ADGRL3: variants seen among roughly 807,000 people sequenced by gnomAD.
ADGRL3 encodes calcium-independent alpha-latrotoxin receptor 3.
A neutral mutation model predicts 153.5 loss-of-function variants in ADGRL3; 62 were observed. The observed-to-expected ratio is 0.40, with a 90% CI of 0.33 to 0.50. The LOEUF (loss-of-function observed/expected upper bound fraction) is 0.50, where lower values mean the gene tolerates loss of function less well. ADGRL3 is among the 20% of genes least tolerant of loss of function. ADGRL3 has a pLI of 0.47. For synonymous variants in ADGRL3, 710 were observed against 672.5 expected (o/e 1.06, Z -0.86); for missense variants, 1,641 against 1,859.4 (o/e 0.88, Z 2.16).
At chr4:61,486,758 CT>C (rs2098199205) in intron 2 of ADGRL3, among the ~76,000 whole-genome samples, 1 of 152,058 alleles carries the variant, frequency 6.6e-6, no homozygotes, top group Non-Finnish European at 1.5e-5. Context: ...GAAAACCTTT[CT>C]TTTTTTCTGA....
At position 61,428,775 on chromosome 4, in the gene ADGRL3, A is replaced by G. The variant is rs532384065; in HGVS notation, c.-174+45586A>G. Among the ~76,000 whole-genome samples, 6 of 152,198 alleles carry G rather than the reference A, an allele frequency of 3.9e-5. No individual in the cohort carries two copies. The South Asian group carries it at 6.2e-4, about 16-fold the overall frequency. On this transcript the variant is annotated intron_variant, in intron 2 of 26. Transcript: ENST00000683033. Reference sequence around the variant, plus strand: ...CGGTATCTGTAACATAGACCTATCTAACTGTATCTCTGTAACTATCATATA... The same window carrying G: ...CGGTATCTGTAACATAGACCTATCTGACTGTATCTCTGTAACTATCATATA...
chr4:61,336,776 G>C (rs1290066342), intron 1 of ADGRL3, among the ~76,000 whole-genome samples: 2 of 151,514 alleles, frequency 1.3e-5, no homozygotes, highest in African/African-American at 4.9e-5. Flanking sequence ...GGTTTTGAAT[G>C]CAAAGCTTCA....
intron 2 of ADGRL3, among the ~76,000 whole-genome samples, chr4:61,475,404 G>A (rs2098033752): frequency 6.6e-6 from 1 of 152,092 alleles, no homozygotes; most frequent in Admixed American, 6.6e-5. Flanking sequence ...AAAGATTTAT[G>A]GGGTTTTTTT....
At chr4:61,871,696 C>T (rs2098446579) in intron 9 of ADGRL3, among the ~76,000 whole-genome samples, 1 of 152,090 alleles carries the variant, frequency 6.6e-6, no homozygotes, top group Non-Finnish European at 1.5e-5. Flanking sequence ...TTGTTATACG[C>T]ACAATTCTAT....
At position 61,645,990 on chromosome 4, in the gene ADGRL3, TA is replaced by T. The variant is rs2093960485; in HGVS notation, c.474-30835del. Among the ~76,000 whole-genome samples, 7 of 152,310 alleles carry T rather than the reference TA, an allele frequency of 4.6e-5. No homozygotes were observed. In the South Asian group the frequency reaches 1.5e-3, roughly 32 times the overall value. ...CTTGGAGGCTTTGCTCGTTTCTTTT[TA>T]TTCTTTTTTCTCTAAACTTCCCTTC... is the stretch of plus-strand genomic sequence containing the variant. On this transcript the variant is annotated intron_variant, in intron 5 of 26. Transcript: ENST00000683033.
rs1036566473 is a variant in ADGRL3 at position 61,965,146 on chromosome 4, C to T, written c.2806-14417C>T. On this transcript the variant is annotated intron_variant, in intron 17 of 26. Coordinates refer to ENST00000683033, the MANE Select transcript of ADGRL3 (RefSeq NM_001387552.1). ...CCAAGTAGCTGGGACTATAAGCACC[C>T]ACCACCATGCCCGGCTAATTTTTGT... Among the ~76,000 whole-genome samples the T allele has an allele frequency of 2.6e-5, 4 of 152,058 alleles. No homozygotes were observed. In the South Asian group the frequency reaches 8.3e-4, roughly 32 times the overall value.
At chr4:61,990,538 TTAAA>T (rs2099100112) in intron 19 of ADGRL3, among the ~76,000 whole-genome samples, 1 of 151,976 alleles carries the variant, frequency 6.6e-6, no homozygotes, top group Non-Finnish European at 1.5e-5. Context: ...TTATACTCTG[TTAAA>T]TAAATGATTT....
At chr4:61,998,029 A>G (rs1293864068) in intron 20 of ADGRL3, 145 bp from the exon 21 acceptor site, 2 of 433,104 alleles carry the variant, frequency 4.6e-6, no homozygotes, top group African/African-American at 4.1e-5. Flanking sequence ...CTTTACTAAA[A>G]CACTAGGCAG....
chr4:61,892,590 C>G (rs965117447), intron 9 of ADGRL3, 66 bp from the exon 10 acceptor site: 52 of 1,116,542 alleles, frequency 4.7e-5, no homozygotes, highest in Non-Finnish European at 6.5e-5. Context: ...TTCTAAAGTA[C>G]TAGGACATCT....
intron 9 of ADGRL3, among the ~76,000 whole-genome samples, chr4:61,872,883 G>A (rs1370509695): frequency 6.6e-6 from 1 of 152,094 alleles, no homozygotes; most frequent in Non-Finnish European, 1.5e-5. Flanking sequence ...ACTGATTGGT[G>A]TTTATTTTAC....
chr4:61,676,562 C>T (rs1430110756), intron 5 of ADGRL3, among the ~76,000 whole-genome samples: 4 of 151,728 alleles, frequency 2.6e-5, no homozygotes, highest in African/African-American at 9.7e-5. Context: ...GTTGCTTCAG[C>T]AATATTTAAC....
At chr4:61,293,342 T>C (rs1027200747) in intron 1 of ADGRL3, among the ~76,000 whole-genome samples, 2 of 152,168 alleles carry the variant, frequency 1.3e-5, no homozygotes, top group African/African-American at 4.8e-5. Context: ...TTCTGCTAGG[T>C]TTATATTAAA....
intron 5 of ADGRL3, among the ~76,000 whole-genome samples, chr4:61,640,774 T>C (rs902193608): frequency 6.6e-6 from 1 of 152,214 alleles, no homozygotes; most frequent in Non-Finnish European, 1.5e-5. Flanking sequence ...GCAGATCTCA[T>C]TGTCATTCTT....
At chr4:61,676,651 G>A (rs2150904718) in intron 5 of ADGRL3, among the ~76,000 whole-genome samples, 175 bp from the exon 6 acceptor site, 1 of 152,088 alleles carries the variant, frequency 6.6e-6, no homozygotes, top group East Asian at 1.9e-4. Flanking sequence ...TCATTTTAAT[G>A]TGTAGTTTCT....
At chr4:61,532,981 G>C (rs1480821126) in intron 4 of ADGRL3, among the ~76,000 whole-genome samples, 1 of 151,948 alleles carries the variant, frequency 6.6e-6, no homozygotes, top group Non-Finnish European at 1.5e-5. Context: ...TAAGAACATG[G>C]GACTCTTTGG....
chr4:61,769,115 C>T (rs1430153411), intron 8 of ADGRL3, among the ~76,000 whole-genome samples: 11 of 151,828 alleles, frequency 7.2e-5, no homozygotes, highest in Non-Finnish European at 1.2e-4. Flanking sequence ...CCAAGGCAGG[C>T]GTCCCTGCGT....
At chr4:61,295,728 G>A (rs1202894653) in intron 1 of ADGRL3, among the ~76,000 whole-genome samples, 1 of 151,862 alleles carries the variant, frequency 6.6e-6, no homozygotes, top group Non-Finnish European at 1.5e-5. Context: ...GGAGGCAGAG[G>A]TGTGAGGGTC....
At chr4:61,782,193 G>A (rs937767067) in intron 8 of ADGRL3, among the ~76,000 whole-genome samples, 2 of 152,060 alleles carry the variant, frequency 1.3e-5, no homozygotes, top group African/African-American at 4.8e-5. Flanking sequence ...TGAGTTCCCT[G>A]TTATTTTAAT....
At chr4:61,567,394 C>A (rs1361934013) in intron 4 of ADGRL3, among the ~76,000 whole-genome samples, 3 of 152,152 alleles carry the variant, frequency 2.0e-5, no homozygotes, top group East Asian at 3.9e-4. Context: ...GGAGGTGGGG[C>A]CTTTGGAAGG....
Sources: allele counts gnomAD v4.1 joint callset (sites outside exome capture counted in the v4.1 genomes callset), GRCh38; gene constraint gnomAD v4.1.1; transcripts MANE v1.5; gene names NCBI Gene and HGNC (gene_info 2026-07-23, HGNC 2026-07-21).